Variants in PRR5 observed in about 807,000 individuals in gnomAD.
PRR5 encodes the protein proline rich 5, also known as proline-rich protein 5.
In PRR5, 25 loss-of-function variants were observed where a neutral mutation model predicts 30.6. The ratio of observed to expected loss-of-function variants is 0.82; its 90% CI spans 0.60 to 1.14. The LOEUF is 1.14. Among genes scored for constraint, PRR5 ranks in the 50% most tolerant of loss-of-function variants. The pLI is 0.00. For synonymous variants in PRR5, 286 were observed against 247.1 expected, an observed-to-expected ratio of 1.16 and a Z score of -1.48; for missense variants, 600 against 547.1, an observed-to-expected ratio of 1.10 and a Z score of -0.96.
At chr22:44,708,966 CAAAAAAAAAAAA>C (rs60854330) in intron 1 of PRR5, among the ~76,000 whole-genome samples, 25 of 64,426 alleles carry the variant, frequency 3.9e-4, no homozygotes, top group East Asian at 1.5e-3. Flanking sequence ...GACTCTGTCT[CAAAAAAAAAAAA>C]AAAAAAAAAA....
rs1457675906 is a variant in PRR5 at position 44,736,944 on chromosome 22, C to G, written c.864C>G (p.Ser288=). 1.2e-6 allele frequency: 2 copies of G among 1,605,728 alleles called. No homozygotes were observed. The highest frequency in any genetic ancestry group is 2.7e-5 in the African/African-American group (2 of 74,868). ...GGCACTCTGTGTCGGAGATGACGTC[C>G]TGCCCCGAGCCTCAGGGCTTCTCCG... ...IRRHSVSEMT[S]CPEPQGFSDP... is the part of the protein sequence containing the mutation. The change falls in exon 8 of 8, where the codon TCC becomes TCG. Residue 288 remains serine (S), a synonymous_variant. Coordinates refer to ENST00000336985, the MANE Select transcript of PRR5 (RefSeq NM_181333.4).
chr22:44,730,023 C>T (rs960472417), intron 4 of PRR5: 8 of 985,322 alleles, frequency 8.1e-6, no homozygotes, highest in African/African-American at 1.7e-5. Context: ...GTTTGGGCTA[C>T]CCGGGTGGGC....
intron 1 of PRR5, among the ~76,000 whole-genome samples, chr22:44,713,629 G>A (rs1000954605): frequency 8.5e-5 from 13 of 152,130 alleles, no homozygotes; most frequent in Non-Finnish European, 1.9e-4. Context: ...GCCTCCCAGA[G>A]TGCTGGGATT....
chr22:44,675,435 C>T (rs1569059809), upstream of PRR5, among the ~76,000 whole-genome samples: 1 of 152,132 alleles, frequency 6.6e-6, no homozygotes, highest in Non-Finnish European at 1.5e-5. Context: ...GAGCATCTTC[C>T]CTGTCCCTAA....
At chr22:44,728,571 A>G (rs1185334180) in intron 4 of PRR5, among the ~76,000 whole-genome samples, 1 of 152,258 alleles carries the variant, frequency 6.6e-6, no homozygotes, top group Non-Finnish European at 1.5e-5. Context: ...GCATGGAGGC[A>G]GTGGCCCTTG....
chr22:44,721,620 G>A (rs1015686110), intron 2 of PRR5, among the ~76,000 whole-genome samples: 1 of 152,208 alleles, frequency 6.6e-6, no homozygotes, highest in African/African-American at 2.4e-5. Flanking sequence ...GAACATTGGG[G>A]TCTTCCTTTG....
chr22:44,700,017 G>C (rs781369468), upstream of PRR5, among the ~76,000 whole-genome samples: 2 of 151,956 alleles, frequency 1.3e-5, no homozygotes, highest in African/African-American at 4.8e-5. Context: ...CAGTGTTCCC[G>C]TAAGTTTGAG....
upstream of PRR5, among the ~76,000 whole-genome samples, chr22:44,699,748 CAG>C (rs1207773021): frequency 6.6e-6 from 1 of 152,130 alleles, no homozygotes; most frequent in African/African-American, 2.4e-5. Flanking sequence ...CGGTCAGAGA[CAG>C]GGGCAACTAA....
At chr22:44,729,375 C>G in intron 4 of PRR5, 6 of 985,360 alleles carry the variant, frequency 6.1e-6, no homozygotes, top group Non-Finnish European at 7.2e-6. Context: ...AGCCTGCGCC[C>G]ACAGCGAGAA....
At chr22:44,714,550 C>G in intron 1 of PRR5, 41 bp from the exon 2 acceptor site, 4 of 1,608,064 alleles carry the variant, frequency 2.5e-6, no homozygotes, top group Non-Finnish European at 3.4e-6. Flanking sequence ...AGGGGGCTCT[C>G]AGACCTCAGG....
intron 1 of PRR5, among the ~76,000 whole-genome samples, chr22:44,694,166 C>T (rs1439194612): frequency 5.9e-5 from 9 of 152,330 alleles, no homozygotes; most frequent in Non-Finnish European, 1.2e-4. Flanking sequence ...CAGGAAGCTT[C>T]GAGGGACAGG....
intron 1 of PRR5, among the ~76,000 whole-genome samples, chr22:44,689,218 T>A (rs1052300033): frequency 5.9e-5 from 9 of 152,186 alleles, no homozygotes; most frequent in Non-Finnish European, 1.3e-4. Context: ...TTACCATTTC[T>A]TACGGGGACC....
intron 1 of PRR5, among the ~76,000 whole-genome samples, chr22:44,696,353 C>G (rs919709373): frequency 6.6e-6 from 1 of 152,144 alleles, no homozygotes; most frequent in African/African-American, 2.4e-5. Context: ...ACAGAGGCAC[C>G]TATTGAGAGA....
chr22:44,733,929 G>A (rs571151276), intron 6 of PRR5, among the ~76,000 whole-genome samples: 2 of 152,298 alleles, frequency 1.3e-5, no homozygotes, highest in Admixed American at 1.3e-4. Flanking sequence ...GCCATCCCAA[G>A]AGTCCTGGGT....
intron 4 of PRR5, chr22:44,729,667 G>GC: frequency 1.0e-6 from 1 of 985,426 alleles, no homozygotes; most frequent in Non-Finnish European, 1.2e-6. Context: ...CCACAGAGGG[G>GC]CCCCCACAGG....
At chr22:44,722,947 C>T (rs548155723) in intron 2 of PRR5, among the ~76,000 whole-genome samples, 9 of 152,018 alleles carry the variant, frequency 5.9e-5, no homozygotes, top group South Asian at 2.1e-4. Flanking sequence ...TAGTAAACCA[C>T]GGGGAAAATG....
At chr22:44,672,930 C>T (rs553700711), upstream of PRR5, among the ~76,000 whole-genome samples, 4 of 152,354 alleles carry the variant, frequency 2.6e-5, no homozygotes, top group East Asian at 7.7e-4. Flanking sequence ...CACCCCACTA[C>T]ACAGCATGCG....
rs545616841 is a variant in PRR5 at position 44,731,093 on chromosome 22, G to A, written c.323-637G>A. ...GTAGAAGAAATCAACTGCTTAGCCG[G>A]GTTGTTAGGAGGATCTGATGAGACT... On this transcript the variant is annotated intron_variant, in intron 4 of 7. Transcript: ENST00000336985. The A allele has an allele frequency of 6.7e-4, 201 of 298,238 alleles. 2 individuals carry two copies. Among genetic ancestry groups the A allele is most frequent in the South Asian group, 6.1e-3 (188 of 30,764 alleles). The allele number at this position is 298,238 out of a possible 1,614,324, so 18.5% of individuals were successfully genotyped here.
intron 1 of PRR5, among the ~76,000 whole-genome samples, chr22:44,693,615 A>ATTTTT (rs1925475708): frequency 1.1e-5 from 1 of 91,804 alleles, no homozygotes; most frequent in Non-Finnish European, 2.3e-5. Flanking sequence ...TTTCACATGG[A>ATTTTT]CTTTTTTTTT....
Sources: allele counts gnomAD v4.1 joint callset (sites outside exome capture counted in the v4.1 genomes callset), GRCh38; gene constraint gnomAD v4.1.1; transcripts MANE v1.5; gene names NCBI Gene and HGNC (gene_info 2026-07-23, HGNC 2026-07-21).